TNRC18: variants seen among roughly 807,000 people sequenced by gnomAD.
TNRC18 encodes trinucleotide repeat containing 18, also known as trinucleotide repeat-containing gene 18 protein.
A neutral mutation model predicts 226.7 loss-of-function variants in TNRC18; 69 were observed. The ratio of observed to expected loss-of-function variants is 0.30; its 90% confidence interval spans 0.25 to 0.37. The LOEUF is 0.37. Ranked by LOEUF, TNRC18 falls within the 10% of genes least tolerant of loss-of-function variation. The pLI is 1.00. For missense variants in TNRC18, 4,754 were observed against 4,256.6 expected (o/e 1.12, Z -3.25); for synonymous variants, 2,449 against 1,927.6 (o/e 1.27, Z -7.09).
At position 5,389,109 on chromosome 7, in the gene TNRC18, C is replaced by A; in HGVS notation, c.715G>T (p.Val239Leu). ...GEEASGPRGV[V>L]DLTQEARAEG... ...GCGCGCGCCTCCTGGGTCAGGTCCA[C>A]CACGCCCCGTGGCCCCGAGGCCTCC... The change falls in exon 5 of 30, where the codon GTG becomes TTG. Residue 239 changes from valine (V) to leucine (L), a missense_variant. By Grantham distance (32) the Val-to-Leu change is conservative. Coordinates refer to ENST00000430969, the MANE Select transcript of TNRC18 (RefSeq NM_001080495.3). 1 of 1,317,312 alleles carries A rather than the reference C, an allele frequency of 7.6e-7. No individual in the cohort carries two copies. The highest frequency in any genetic ancestry group is 9.7e-7 in the Non-Finnish European group (1 of 1,031,748). The allele number at this position is 1,317,312 out of a possible 1,614,324, so 81.6% of individuals were successfully genotyped here. A position where few individuals can be genotyped will look rare whatever the true frequency, so the allele number is the denominator to read the frequency against.
At position 5,373,239 on chromosome 7, in the gene TNRC18, G is replaced by A. The variant is rs187923470; in HGVS notation, c.3229+816C>T. Among the ~76,000 whole-genome samples the A allele has an allele frequency of 1.4e-4, 22 of 152,178 alleles. No homozygotes were observed. The East Asian group carries it at 2.7e-3, about 19-fold the overall frequency. The stretch of plus-strand genomic sequence containing the variant: ...CTTGAGAGGCTGAAACAGGAGGATC[G>A]CTCGAGTCCAGGTGTTCAAGGCTGC... On this transcript the variant is annotated intron_variant, in intron 10 of 29. Transcript: ENST00000430969.
chr7:5,324,143 G>T lies in TNRC18; in HGVS notation c.6442+71C>A. 1 of 1,500,642 alleles carries T rather than the reference G, an allele frequency of 6.7e-7. No homozygotes were observed. The highest frequency in any genetic ancestry group is 8.9e-7 in the Non-Finnish European group (1 of 1,121,356). 93.0% of individuals were successfully genotyped at this position (1,500,642 alleles called of 1,614,324 possible). On this transcript the variant is annotated intron_variant, in intron 21 of 29. Transcript: ENST00000430969. This position sits in a 1 kb window ranked among gnomAD's most constrained non-coding sequence, Gnocchi z 4.8. ...GCCCAGCCCTTCAGTCTCAAGCCTT[G>T]CTCAGATCTGCCTCCCCCAAGGGAG...
chr7:5,373,646 C>G (rs1794363251), intron 10 of TNRC18, among the ~76,000 whole-genome samples: 1 of 152,160 alleles, frequency 6.6e-6, no homozygotes, highest in Non-Finnish European at 1.5e-5. Context: ...CCCTCTGATG[C>G]AGAAGACGGC....
chr7:5,317,590 CA>C (rs200881717), intron 24 of TNRC18, among the ~76,000 whole-genome samples: 1 of 138,964 alleles, frequency 7.2e-6, no homozygotes. Context: ...GACTCTGTCT[CA>C]AAAAAAAATA....
chr7:5,392,894 C>T (rs867523294), intron 3 of TNRC18, among the ~76,000 whole-genome samples: 3 of 152,090 alleles, frequency 2.0e-5, no homozygotes, highest in Non-Finnish European at 4.4e-5. Context: ...CACCTGTAGT[C>T]GCAGCTACTC....
intron 11 of TNRC18, among the ~76,000 whole-genome samples, chr7:5,367,352 G>A (rs939759608): frequency 6.6e-6 from 1 of 152,158 alleles, no homozygotes; most frequent in Middle Eastern, 3.4e-3. Context: ...GCAACAGAGG[G>A]AGATTCTGTC....
At chr7:5,334,460 C>T (rs991806527) in intron 18 of TNRC18, among the ~76,000 whole-genome samples, 6 of 76,596 alleles carry the variant, frequency 7.8e-5, no homozygotes, top group Admixed American at 3.5e-4. Context: ...CCACGCCTGG[C>T]ATTTTTTTTT....
chr7:5,395,575 G>GT (rs1780618684), intron 2 of TNRC18, among the ~76,000 whole-genome samples: 1 of 152,252 alleles, frequency 6.6e-6, no homozygotes, highest in East Asian at 1.9e-4. Flanking sequence ...TCAGAGAGAA[G>GT]CATGCAGGCC....
At chr7:5,323,439 C>T (rs1173880465) in intron 21 of TNRC18, among the ~76,000 whole-genome samples, 4 of 151,538 alleles carry the variant, frequency 2.6e-5, no homozygotes, top group African/African-American at 9.7e-5. Context: ...CACCCTGCCC[C>T]GCCTCCTTCC....
intron 2 of TNRC18, among the ~76,000 whole-genome samples, chr7:5,415,066 C>G (rs1340483336): frequency 6.6e-6 from 1 of 152,138 alleles, no homozygotes; most frequent in Non-Finnish European, 1.5e-5. Context: ...TAAAACCCTC[C>G]ACTGCCTCCT....
chr7:5,361,797 C>T lies in TNRC18; in HGVS notation c.4533-75G>A. ...GCGGAGAACGGGCACACGATGCACA[C>T]ACGGCGCCGGGTCCACGCACACCTC... On this transcript the variant is annotated intron_variant, in intron 13 of 29. Coordinates refer to ENST00000430969, the MANE Select transcript of TNRC18 (RefSeq NM_001080495.3). 3 of 1,531,164 alleles carry T rather than the reference C, an allele frequency of 2.0e-6. No homozygotes were observed. The East Asian group carries it at 7.4e-5, about 38-fold the overall frequency. 94.8% of individuals were successfully genotyped at this position (1,531,164 alleles called of 1,614,324 possible). A position where few individuals can be genotyped will look rare whatever the true frequency, so the allele number is the denominator to read the frequency against.
At chr7:5,389,558 G>A (rs1370656592) in intron 4 of TNRC18, 4 of 388,952 alleles carry the variant, frequency 1.0e-5, no homozygotes, top group Non-Finnish European at 1.2e-5. Flanking sequence ...GGGTTCAAGC[G>A]ATTCTCCTGC....
rs1794674759 is a variant in TNRC18, at chr7:5,376,335, T to C, written c.2609-111A>G. ...GGGCCACACCCACACAGTGGGGAGC[T>C]GGGCTCTCTGCGGGCCCCCGGCTGC... On this transcript the variant is annotated intron_variant, in intron 8 of 29. Transcript: ENST00000430969. The C allele has an allele frequency of 3.9e-6, 4 of 1,021,284 alleles. No individual in the cohort carries two copies. In the East Asian group the frequency reaches 1.1e-4, roughly 29 times the overall value. 63.3% of individuals were successfully genotyped at this position (1,021,284 alleles called of 1,614,324 possible).
Position 5,313,188 on chromosome 7 carries a change from C to T in TNRC18, c.7703G>A (p.Ser2568Asn). The T allele has an allele frequency of 1.9e-6, 3 of 1,544,800 alleles. No individual in the cohort carries two copies. The highest frequency in any genetic ancestry group is 2.6e-6 in the Non-Finnish European group (3 of 1,145,190). The change falls in exon 27 of 30, where the codon AGT becomes AAT. Residue 2568 changes from serine (S) to asparagine (N), a missense_variant. Ser to Asn is a conservative substitution (Grantham distance 46). Transcript: ENST00000430969. Reference sequence around the variant, plus strand: ...GCTGCTGCTGCTGCTGCTGCTGCTACTGCTGCCACTACTGCTGCTGCTGCT... The same window carrying T: ...GCTGCTGCTGCTGCTGCTGCTGCTATTGCTGCCACTACTGCTGCTGCTGCT... Reference protein sequence around the residue: ...ESSSSSSSGSSSSSSSSSSSG... With the variant: ...ESSSSSSSGSNSSSSSSSSSG...
chr7:5,314,274 G>C (rs1346446148), intron 26 of TNRC18, among the ~76,000 whole-genome samples: 1 of 152,100 alleles, frequency 6.6e-6, no homozygotes, highest in African/African-American at 2.4e-5. Context: ...CCAGCAGAAA[G>C]GCCTGGTTTC....
At chr7:5,385,208 T>C (rs138399312) in intron 5 of TNRC18, among the ~76,000 whole-genome samples, 5,180 of 152,198 alleles carry the variant, frequency 0.034, 165 homozygotes, top group Admixed American at 0.1. Context: ...CACAGCTGGC[T>C]GGGCGCGGTG....
At chr7:5,339,950 T>C (rs910914883) in intron 18 of TNRC18, among the ~76,000 whole-genome samples, 25 of 151,886 alleles carry the variant, frequency 1.6e-4, no homozygotes, top group Admixed American at 7.2e-4. Context: ...CTCATCTCTC[T>C]CCCTCTCCTT....
At chr7:5,319,035 G>A (rs1276666171) in intron 24 of TNRC18, among the ~76,000 whole-genome samples, 1 of 152,184 alleles carries the variant, frequency 6.6e-6, no homozygotes, top group African/African-American at 2.4e-5. Context: ...GAAGGCCCAA[G>A]AATCCAGAAT....
At chr7:5,378,135 T>G (rs1159517525) in intron 5 of TNRC18, 111 bp from the exon 6 acceptor site, 1 of 775,802 alleles carries the variant, frequency 1.3e-6, no homozygotes, top group African/African-American at 1.7e-5. Flanking sequence ...CCGACGGTCC[T>G]GCACAGCCAT....
Sources: allele counts gnomAD v4.1 joint callset (sites outside exome capture counted in the v4.1 genomes callset), GRCh38; gene constraint gnomAD v4.1.1; non-coding constraint Gnocchi (gnomAD v3.1); transcripts MANE v1.5; gene names NCBI Gene and HGNC (gene_info 2026-07-23, HGNC 2026-07-21).